The following NWD2 variants were observed in gnomAD, a reference collection of about 807,000 sequenced individuals.
NWD2 encodes the protein NACHT and WD repeat domain containing 2.
A neutral mutation model predicts 132.7 loss-of-function variants in NWD2; 37 were observed. The observed-to-expected ratio is 0.28, with a 90% CI of 0.21 to 0.37. NWD2 has a LOEUF of 0.37. NWD2 is among the 10% of genes least tolerant of loss of function. NWD2 has a pLI of 1.00. For synonymous variants in NWD2, 705 were observed against 803.0 expected (o/e 0.88, Z 2.06); for missense variants, 1,592 against 2,122.4 (o/e 0.75, Z 4.91).
chr4:37,321,760 C>T (rs1311931972), intron 1 of NWD2, among the ~76,000 whole-genome samples: 1 of 152,090 alleles, frequency 6.6e-6, no homozygotes, highest in Non-Finnish European at 1.5e-5. Flanking sequence ...ATCTTAATTA[C>T]TTTTTCATTT....
At chr4:37,298,802 T>C (rs1718552904) in intron 1 of NWD2, among the ~76,000 whole-genome samples, 1 of 152,138 alleles carries the variant, frequency 6.6e-6, no homozygotes, top group Non-Finnish European at 1.5e-5. Context: ...ATTTTATAAA[T>C]TAGAAAATGT....
At chr4:37,401,958 C>T (rs763891963) in intron 3 of NWD2, among the ~76,000 whole-genome samples, 2 of 152,164 alleles carry the variant, frequency 1.3e-5, no homozygotes, top group Non-Finnish European at 2.9e-5. Context: ...TGCTGAAATT[C>T]AATTGTCATT....
At chr4:37,297,786 GT>G (rs1295692295) in intron 1 of NWD2, among the ~76,000 whole-genome samples, 2 of 152,154 alleles carry the variant, frequency 1.3e-5, no homozygotes, top group Non-Finnish European at 2.9e-5. Context: ...AGATTATGCT[GT>G]TTTTGGCAGG....
chr4:37,348,237 G>A (rs1412828601), intron 2 of NWD2, among the ~76,000 whole-genome samples: 1 of 152,168 alleles, frequency 6.6e-6, no homozygotes, highest in Non-Finnish European at 1.5e-5. Flanking sequence ...AACAAGCCTA[G>A]TTCTTTAATA....
At chr4:37,305,093 G>A (rs73130320) in intron 1 of NWD2, among the ~76,000 whole-genome samples, 11,669 of 152,288 alleles carry the variant, frequency 0.077, 522 homozygotes, top group East Asian at 0.11. Flanking sequence ...AACGCTACGT[G>A]GAAGTTGCCA....
chr4:37,373,090 TTGCATTATGCATGTGCCAGGTGCTATTC>T (rs1314731032), intron 3 of NWD2, among the ~76,000 whole-genome samples: 7 of 152,232 alleles, frequency 4.6e-5, no homozygotes, highest in Non-Finnish European at 1.0e-4. Flanking sequence ...AACATTTACT[TTGCATTATGCATGTGCCAGGTGCTATTC>T]TGCATTTTGC....
Position 37,444,086 on chromosome 4 carries a change from C to A in NWD2, c.2098C>A (p.Pro700Thr). The change falls in exon 7 of 7, where the codon CCC becomes ACC. Residue 700 changes from proline (P) to threonine (T), a missense_variant. Pro to Thr is a conservative substitution (Grantham distance 38, BLOSUM62 -1). Transcript: ENST00000309447. This position sits in a 1 kb window ranked among gnomAD's most constrained non-coding sequence, Gnocchi z 4.8. The part of the protein sequence containing the change: ...ELKENTRPSN[P>T]LRVPYLYIAR... ...CAAAGAAAACACCAGACCCAGCAAT[C>A]CCCTGAGAGTACCTTACTTGTACAT... The A allele has an allele frequency of 6.4e-7, 1 of 1,551,720 alleles. No homozygotes were observed. The highest frequency in any genetic ancestry group is 1.2e-5 in the South Asian group (1 of 84,048).
rs184981235 is a variant in NWD2, at chr4:37,439,411, G to A, written c.1296+21G>A. The A allele has an allele frequency of 2.1e-5, 29 of 1,367,438 alleles. No homozygotes were observed. In the East Asian group the frequency reaches 3.3e-4, roughly 16 times the overall value. The allele number at this position is 1,367,438 out of a possible 1,614,324, so 84.7% of individuals were successfully genotyped here. ...AGAAGGTAAAAGCCTATTCTTTCCCGTGTATATTTGTAAAAACTTGTACTT... is the reference window on the plus strand; with the variant it reads ...AGAAGGTAAAAGCCTATTCTTTCCCATGTATATTTGTAAAAACTTGTACTT... On this transcript the variant is annotated intron_variant, in intron 6 of 6. Transcript: ENST00000309447. The surrounding 1 kb of genome is among the most constrained non-coding windows in gnomAD (Gnocchi z 4.5).
At chr4:37,302,276 A>G (rs548318416) in intron 1 of NWD2, among the ~76,000 whole-genome samples, 1 of 152,152 alleles carries the variant, frequency 6.6e-6, no homozygotes, top group East Asian at 1.9e-4. Flanking sequence ...TCATGTTGCC[A>G]CGAATGACAG....
Position 37,443,239 on chromosome 4 carries a change from C to A in NWD2, c.1297-46C>A. On this transcript the variant is annotated intron_variant, in intron 6 of 6. Coordinates refer to ENST00000309447, the MANE Select transcript of NWD2 (RefSeq NM_001144990.2). This position sits in a 1 kb window ranked among gnomAD's most constrained non-coding sequence, Gnocchi z 4.1. The stretch of plus-strand genomic sequence containing the variant: ...GAGAGGCAATGTTATCACATATGAC[C>A]ATGTGAATACATATTACCATTCTAA... 1 of 1,399,988 alleles carries A rather than the reference C, an allele frequency of 7.1e-7. No individual in the cohort carries two copies. The highest frequency in any genetic ancestry group is 9.8e-7 in the Non-Finnish European group (1 of 1,022,026). 86.7% of individuals were successfully genotyped at this position (1,399,988 alleles called of 1,614,324 possible).
intron 1 of NWD2, among the ~76,000 whole-genome samples, chr4:37,310,499 A>G (rs556565254): frequency 2.6e-5 from 4 of 152,290 alleles, no homozygotes; most frequent in African/African-American, 9.6e-5. Flanking sequence ...GAAAAAAAAT[A>G]ATTTGTTTTC....
At chr4:37,273,393 T>C (rs1039627928) in intron 1 of NWD2, among the ~76,000 whole-genome samples, 5 of 152,058 alleles carry the variant, frequency 3.3e-5, no homozygotes, top group Admixed American at 1.3e-4. Flanking sequence ...ATCCTAAATA[T>C]ATGTGCACCC....
At chr4:37,426,527 C>T (rs528424763) in intron 3 of NWD2, among the ~76,000 whole-genome samples, 2 of 152,224 alleles carry the variant, frequency 1.3e-5, no homozygotes, top group East Asian at 3.9e-4. Flanking sequence ...TATTTGGTGC[C>T]AGGTGCTCAA....
intron 1 of NWD2, among the ~76,000 whole-genome samples, chr4:37,321,723 G>A (rs1719073857): frequency 6.6e-6 from 1 of 152,082 alleles, no homozygotes; most frequent in African/African-American, 2.4e-5. Context: ...CAGCTTATCT[G>A]TCACTCATCA....
At chr4:37,373,159 AC>A (rs1377493067) in intron 3 of NWD2, among the ~76,000 whole-genome samples, 1 of 152,240 alleles carries the variant, frequency 6.6e-6, no homozygotes, top group Non-Finnish European at 1.5e-5. Context: ...TCACAACAGC[AC>A]TAATAAGGTA....
intron 2 of NWD2, among the ~76,000 whole-genome samples, chr4:37,353,796 C>G (rs184186762): frequency 5.3e-5 from 8 of 152,058 alleles, no homozygotes; most frequent in Admixed American, 5.2e-4. Flanking sequence ...GAACATGCTC[C>G]TTTAGCTTGG....
intron 1 of NWD2, among the ~76,000 whole-genome samples, chr4:37,313,107 T>A (rs1360966055): frequency 6.6e-6 from 1 of 151,172 alleles, no homozygotes; most frequent in Admixed American, 6.6e-5. Flanking sequence ...GTTTTGTCTC[T>A]TCCTGGCTTT....
At chr4:37,348,675 T>TACACACACACAC (rs1172614596) in intron 2 of NWD2, among the ~76,000 whole-genome samples, 29 of 22,572 alleles carry the variant, frequency 1.3e-3, no homozygotes, top group African/African-American at 5.1e-3. Context: ...TATATATATA[T>TACACACACACAC]ACACACACAC....
At chr4:37,392,092 T>C (rs1720689357) in intron 3 of NWD2, among the ~76,000 whole-genome samples, 1 of 151,942 alleles carries the variant, frequency 6.6e-6, no homozygotes, top group African/African-American at 2.4e-5. Flanking sequence ...TCCCAGCTAC[T>C]TGGGAGGCTG....
Sources: allele counts gnomAD v4.1 joint callset (sites outside exome capture counted in the v4.1 genomes callset), GRCh38; gene constraint gnomAD v4.1.1; non-coding constraint Gnocchi (gnomAD v3.1); transcripts MANE v1.5; gene names NCBI Gene and HGNC (gene_info 2026-07-23, HGNC 2026-07-21).